The following ACSM5 variants were observed in gnomAD, a reference collection of about 807,000 sequenced individuals.
ACSM5 encodes acyl-coenzyme A synthetase ACSM5, mitochondrial.
A neutral mutation model predicts 71.6 loss-of-function variants in ACSM5; 56 were observed. That is an observed-to-expected ratio of 0.78 (90% CI 0.63 to 0.98). The LOEUF (loss-of-function observed/expected upper bound fraction) is 0.98. Ranked by LOEUF, ACSM5 falls within the 50% of genes least tolerant of loss-of-function variation. The pLI is 0.00. For synonymous variants in ACSM5, 285 were observed against 281.5 expected, an observed-to-expected ratio of 1.01 and a Z score of -0.12; for missense variants, 723 against 726.0, an observed-to-expected ratio of 1.00 and a Z score of 0.05.
chr16:20,425,165 G>C (rs1966953738), intron 6 of ACSM5, among the ~76,000 whole-genome samples: 2 of 152,058 alleles, frequency 1.3e-5, no homozygotes, highest in Non-Finnish European at 2.9e-5. Flanking sequence ...CCCAGCCTCT[G>C]GTAATCATCC....
chr16:20,440,065 G>C (rs1967292651), intron 13 of ACSM5, 146 bp downstream of exon 13: 4 of 1,142,474 alleles, frequency 3.5e-6, no homozygotes, highest in Non-Finnish European at 4.9e-6. Flanking sequence ...GCTTTTTTCT[G>C]TATTTCTTCA....
intron 10 of ACSM5, among the ~76,000 whole-genome samples, chr16:20,434,110 C>T (rs1252779084): frequency 6.6e-6 from 1 of 152,106 alleles, no homozygotes; most frequent in Non-Finnish European, 1.5e-5. Context: ...TGAACAGAAG[C>T]ATTTATTTCC....
At chr16:20,421,997 T>C (rs1966889774) in intron 5 of ACSM5, among the ~76,000 whole-genome samples, 1 of 152,210 alleles carries the variant, frequency 6.6e-6, no homozygotes, top group Non-Finnish European at 1.5e-5. Context: ...TCACTTAGCA[T>C]AATGTCCTCA....
At chr16:20,425,116 T>A (rs56399636) in intron 6 of ACSM5, among the ~76,000 whole-genome samples, 8,012 of 149,480 alleles carry the variant, frequency 0.054, 205 homozygotes, top group African/African-American at 0.078. Context: ...TGGTACCAAC[T>A]AACCATCCCC....
chr16:20,420,553 T>A lies in ACSM5; in HGVS notation c.624-705T>A, dbSNP rs569803493. On this transcript the variant is annotated intron_variant, in intron 4 of 13. Transcript: ENST00000331849. ...AGGCAGAGGTTGCAGTGAGCCAAGATCCCGCCATTGCACTCCAGCCTGGGC... is the reference window on the plus strand; with the variant it reads ...AGGCAGAGGTTGCAGTGAGCCAAGAACCCGCCATTGCACTCCAGCCTGGGC... Among the ~76,000 whole-genome samples, 411 of 151,948 alleles carry A rather than the reference T, an allele frequency of 2.7e-3. 3 individuals carry two copies. Among genetic ancestry groups the A allele is most frequent in the African/African-American group, 9.3e-3 (387 of 41,404 alleles).
Position 20,418,254 on chromosome 16 carries a change from G to T in ACSM5, c.400G>T (p.Ala134Ser). 1 of 1,611,472 alleles carries T rather than the reference G, an allele frequency of 6.2e-7. No homozygotes were observed. Among genetic ancestry groups the T allele is most frequent in the Non-Finnish European group, 8.5e-7 (1 of 1,179,526 alleles). Residue 134 changes from alanine to serine, a missense_variant, in exon 3 of 14, where the codon GCT (alanine) becomes TCT (serine). Ala to Ser is a moderately conservative substitution (Grantham distance 99). Transcript: ENST00000331849. ...CCCGGAGTGGTGGCTGGTCAGTGTGGCTTGCATGCGGACAGGTCAGTAAGC... is the reference window on the plus strand; with the variant it reads ...CCCGGAGTGGTGGCTGGTCAGTGTGTCTTGCATGCGGACAGGTCAGTAAGC... ...RLPEWWLVSV[A>S]CMRTGTVMIP... is the part of the protein sequence containing the mutation.
chr16:20,429,605 G>C (rs1967053421), intron 7 of ACSM5, 73 bp from the exon 8 acceptor site: 2 of 1,600,494 alleles, frequency 1.2e-6, no homozygotes, highest in East Asian at 2.3e-5. Flanking sequence ...GTTTGCATCT[G>C]GGCAGTGGCA....
At chr16:20,422,501 C>A (rs529178731) in intron 5 of ACSM5, among the ~76,000 whole-genome samples, 40 of 152,326 alleles carry the variant, frequency 2.6e-4, no homozygotes, top group African/African-American at 6.7e-4. Context: ...GCTATAAACA[C>A]TGGCATGTGA....
intron 6 of ACSM5, among the ~76,000 whole-genome samples, chr16:20,426,193 C>T (rs746455251): frequency 3.3e-5 from 5 of 152,200 alleles, no homozygotes; most frequent in African/African-American, 4.8e-5. Flanking sequence ...TGATTGTTAT[C>T]ATCATGATCA....
intron 2 of ACSM5, 62 bp downstream of exon 2, chr16:20,411,750 A>C: frequency 6.5e-7 from 1 of 1,537,414 alleles, no homozygotes. Context: ...ATGTACCACA[A>C]TGAGACTCAA....
At chr16:20,430,383 G>A (rs71373189) in intron 8 of ACSM5, among the ~76,000 whole-genome samples, 13,106 of 151,796 alleles carry the variant, frequency 0.086, 698 homozygotes, top group East Asian at 0.19. Flanking sequence ...TCTAAGCAGC[G>A]TCCTCTATAG....
chr16:20,423,558 C>G (rs1239429735), intron 5 of ACSM5, among the ~76,000 whole-genome samples: 1 of 152,230 alleles, frequency 6.6e-6, no homozygotes, highest in Non-Finnish European at 1.5e-5. Context: ...CAAAGCAAGA[C>G]TAATCGTTCA....
intron 12 of ACSM5, among the ~76,000 whole-genome samples, chr16:20,437,898 C>T (rs1967234658): frequency 6.6e-6 from 1 of 151,550 alleles, no homozygotes; most frequent in Non-Finnish European, 1.5e-5. Context: ...TCTTGGCTCA[C>T]TGCAACCTCC....
rs141463270 is a variant in ACSM5 at position 20,437,322 on chromosome 16, C to G, written c.1491C>G (p.Val497=). 4 of 1,614,060 alleles carry G rather than the reference C, an allele frequency of 2.5e-6. No homozygotes were observed. Among genetic ancestry groups the G allele is most frequent in the Middle Eastern group, 3.3e-4 (2 of 6,056 alleles). Residue 497 remains valine (V), a synonymous_variant, in exon 12 of 14, where the codon GTC becomes GTG. Transcript: ENST00000331849. ...VESALAEHPA[V]LESAVVSSPD... Reference sequence around the variant, plus strand: ...GTGCCCTGGCAGAGCATCCTGCTGTCCTGGAGTCGGCTGTGGTCAGCAGCC... The same window carrying G: ...GTGCCCTGGCAGAGCATCCTGCTGTGCTGGAGTCGGCTGTGGTCAGCAGCC...
chr16:20,414,580 T>C (rs28883096), intron 2 of ACSM5, among the ~76,000 whole-genome samples: 2,135 of 152,334 alleles, frequency 0.014, 48 homozygotes, highest in African/African-American at 0.048. Context: ...ATTTGTGTTG[T>C]TTTATGCAAT....
At chr16:20,413,978 G>T (rs566974049) in intron 2 of ACSM5, among the ~76,000 whole-genome samples, 1 of 152,256 alleles carries the variant, frequency 6.6e-6, no homozygotes, top group South Asian at 2.1e-4. Flanking sequence ...TCACAGAAAT[G>T]GTTCACAAAA....
chr16:20,439,639 A>G (rs1186971872), intron 12 of ACSM5, among the ~76,000 whole-genome samples, 161 bp from the exon 13 acceptor site: 1 of 151,504 alleles, frequency 6.6e-6, no homozygotes, highest in Non-Finnish European at 1.5e-5. Context: ...GGCCAGCAAA[A>G]GAAAAATTGA....
chr16:20,418,949 G>A (rs757080847), intron 3 of ACSM5, among the ~76,000 whole-genome samples: 6 of 152,146 alleles, frequency 3.9e-5, no homozygotes, highest in African/African-American at 7.2e-5. Flanking sequence ...AATGTCCAGG[G>A]CAGTGAAACA....
In ACSM5 at chr16:20,431,233, A is replaced by C. The variant is rs760982337; in HGVS notation, c.1220A>C (p.Glu407Ala). 2.5e-6 allele frequency: 4 copies of C among 1,613,938 alleles called. No homozygotes were observed. The highest frequency in any genetic ancestry group is 3.4e-6 in the Non-Finnish European group (4 of 1,179,968). ...TTTCCTTACCAGATTGTGGATGATG[A>C]GGGCAACGTCCTGCCTCCTGGAGAA... ...PPYDVQIVDD[E>A]GNVLPPGEEG... Residue 407 changes from glutamate to alanine, a missense_variant, in exon 10 of 14, where the codon GAG (glutamate) becomes GCG (alanine). Transcript: ENST00000331849.
Sources: gnomAD v4.1 joint callset for allele counts (sites outside exome capture counted in the v4.1 genomes callset) on GRCh38, gnomAD v4.1.1 for gene constraint, MANE v1.5 for transcripts, NCBI Gene and HGNC (gene_info 2026-07-23, HGNC 2026-07-21) for gene names.